The following ABLIM2 variants were observed in gnomAD, a reference collection of about 807,000 sequenced individuals.
ABLIM2 encodes actin-binding LIM protein 2.
A neutral mutation model predicts 97.7 loss-of-function variants in ABLIM2; 53 were observed. The ratio of observed to expected loss-of-function variants is 0.54; its 90% CI spans 0.44 to 0.68. The LOEUF is 0.68. Ranked by LOEUF, ABLIM2 falls within the 30% of genes least tolerant of loss-of-function variation. ABLIM2 has a pLI of 0.00. For synonymous variants in ABLIM2, 361 were observed against 345.8 expected, an observed-to-expected ratio of 1.04 and a Z score of -0.49; for missense variants, 835 against 867.2, an observed-to-expected ratio of 0.96 and a Z score of 0.47.
At chr4:8,010,429 C>A (rs1418897917) in intron 14 of ABLIM2, 2 of 985,806 alleles carry the variant, frequency 2.0e-6, no homozygotes, top group Admixed American at 1.2e-4. Context: ...GGGCTTCTTA[C>A]CTGCAGCGGG....
At chr4:8,091,283 ATATATAATATTATATAT>A (rs1230383813) in intron 3 of ABLIM2, among the ~76,000 whole-genome samples, 1 of 70,930 alleles carries the variant, frequency 1.4e-5, no homozygotes, top group African/African-American at 6.1e-5. Flanking sequence ...ATATATAATT[ATATATAATATTATATAT>A]TATATTATAT....
At chr4:7,971,991 G>T (rs985383735) in intron 20 of ABLIM2, among the ~76,000 whole-genome samples, 1 of 152,160 alleles carries the variant, frequency 6.6e-6, no homozygotes, top group Non-Finnish European at 1.5e-5. Flanking sequence ...CACTGCCTTG[G>T]CCTGCACAAG....
Position 7,992,932 on chromosome 4 carries a change from A to AACAGAC in ABLIM2, c.1619-11_1619-6dup. Reference sequence around the variant, plus strand: ...CAGATTTGGAATAGGGGAATCCTGAAACAGACACAGCACAGCTTTGTCACG... The same window carrying AACAGAC: ...CAGATTTGGAATAGGGGAATCCTGAAACAGACACAGACACAGCACAGCTTTGTCACG... On this transcript the variant is annotated splice_polypyrimidine_tract_variant and splice_region_variant and intron_variant, in intron 16 of 20. Coordinates refer to ENST00000447017, the MANE Select transcript of ABLIM2 (RefSeq NM_001130083.2). This position sits in a 1 kb window ranked among gnomAD's most constrained non-coding sequence, Gnocchi z 5.7. 6.2e-7 allele frequency: 1 copy of AACAGAC among 1,612,736 alleles called. No individual in the cohort carries two copies. Among genetic ancestry groups the AACAGAC allele is most frequent in the Non-Finnish European group, 8.5e-7 (1 of 1,179,656 alleles).
At position 8,059,040 on chromosome 4, in the gene ABLIM2, G is replaced by T. The variant is rs905389263; in HGVS notation, c.763+1927C>A. Among the ~76,000 whole-genome samples the T allele has an allele frequency of 2.6e-5, 4 of 152,162 alleles. No homozygotes were observed. In the East Asian group the frequency reaches 7.8e-4, roughly 30 times the overall value. On this transcript the variant is annotated intron_variant, in intron 7 of 20. Coordinates refer to ENST00000447017, the MANE Select transcript of ABLIM2 (RefSeq NM_001130083.2). ...AATCTCACCCCCTCTCTCATCCATT[G>T]CGATGGTCCTGACTCCTGTTGGGAA...
chr4:8,131,911 A>T (rs140019836), intron 1 of ABLIM2, among the ~76,000 whole-genome samples: 175 of 127,384 alleles, frequency 1.4e-3, no homozygotes, highest in African/African-American at 6.0e-3. Context: ...CCGCATCTCC[A>T]GCACAGCAGC....
intron 1 of ABLIM2, among the ~76,000 whole-genome samples, chr4:8,142,786 T>C (rs1462035316): frequency 1.3e-5 from 2 of 152,206 alleles, no homozygotes; most frequent in East Asian, 3.9e-4. Flanking sequence ...GCAGCACCAA[T>C]TGTCCCCTCT....
rs899959362 is a variant in ABLIM2 at position 8,125,530 on chromosome 4, C to T, written c.11-18893G>A. Among the ~76,000 whole-genome samples, 5 of 152,004 alleles carry T rather than the reference C, an allele frequency of 3.3e-5. No homozygotes were observed. The highest frequency in any genetic ancestry group is 1.9e-4 in the East Asian group (1 of 5,182). On this transcript the variant is annotated intron_variant, in intron 1 of 20. Coordinates refer to ENST00000447017, the MANE Select transcript of ABLIM2 (RefSeq NM_001130083.2). This position sits in a 1 kb window ranked among gnomAD's most constrained non-coding sequence, Gnocchi z 6.2. ...GGGATGGCTCTGCCATCAGCGTTGACGGTCTGGTCCATCTACCACAGTCGA... is the reference window on the plus strand; with the variant it reads ...GGGATGGCTCTGCCATCAGCGTTGATGGTCTGGTCCATCTACCACAGTCGA...
At position 8,123,185 on chromosome 4, in the gene ABLIM2, T is replaced by C. The variant is rs1846245503; in HGVS notation, c.11-16548A>G. ...TTGCGGTCCTCAGAGCATTCTTCCCTGGCAGCTGGTGCCCCTTACTTGGGG... is the reference window on the plus strand; with the variant it reads ...TTGCGGTCCTCAGAGCATTCTTCCCCGGCAGCTGGTGCCCCTTACTTGGGG... On this transcript the variant is annotated intron_variant, in intron 1 of 20. Transcript: ENST00000447017. This position sits in a 1 kb window ranked among gnomAD's most constrained non-coding sequence, Gnocchi z 6.2. Among the ~76,000 whole-genome samples the C allele has an allele frequency of 6.6e-6, 1 of 152,206 alleles. No homozygotes were observed. The highest frequency in any genetic ancestry group is 1.5e-5 in the Non-Finnish European group (1 of 68,020).
chr4:7,988,286 G>A (rs983784136), intron 17 of ABLIM2, among the ~76,000 whole-genome samples: 4 of 152,188 alleles, frequency 2.6e-5, no homozygotes, highest in Admixed American at 2.0e-4. Flanking sequence ...GCCTCCCAAA[G>A]TGCTGGGATT....
At chr4:8,157,880 G>A (rs372064055) in intron 1 of ABLIM2, among the ~76,000 whole-genome samples, 97 of 152,372 alleles carry the variant, frequency 6.4e-4, no homozygotes, top group African/African-American at 2.3e-3. Flanking sequence ...GGAATGCAAC[G>A]ACAAGCCCTC....
intron 10 of ABLIM2, among the ~76,000 whole-genome samples, chr4:8,034,047 G>A (rs1306111422): frequency 1.3e-5 from 2 of 152,222 alleles, no homozygotes; most frequent in Non-Finnish European, 2.9e-5. Context: ...TGAATCGCAC[G>A]TCCCAGAGAG....
At chr4:8,091,080 G>A (rs1827070131) in intron 3 of ABLIM2, among the ~76,000 whole-genome samples, 2 of 150,448 alleles carry the variant, frequency 1.3e-5, no homozygotes. Flanking sequence ...GTGCCATTCT[G>A]CATTCACAAC....
chr4:7,985,286 G>T (rs1742890216), intron 17 of ABLIM2, among the ~76,000 whole-genome samples: 1 of 152,180 alleles, frequency 6.6e-6, no homozygotes, highest in Non-Finnish European at 1.5e-5. Context: ...GCTAGGCACA[G>T]CGCTCTGCGG....
Position 8,147,370 on chromosome 4 carries a change from C to A in ABLIM2, c.10+11310G>T, listed in dbSNP as rs1440726983. ...GATGCACCAAGAGACTACCTGTGCC[C>A]GGCTGAGTAATGCCTCCCCCAGAAG... On this transcript the variant is annotated intron_variant, in intron 1 of 20. Coordinates refer to ENST00000447017, the MANE Select transcript of ABLIM2 (RefSeq NM_001130083.2). The surrounding 1 kb of genome is among the most constrained non-coding windows in gnomAD (Gnocchi z 5.3). 6.6e-6 allele frequency among the ~76,000 whole-genome samples: 1 copy of A among 152,114 alleles called. No homozygotes were observed. The highest frequency in any genetic ancestry group is 2.1e-4 in the South Asian group (1 of 4,816).
rs1303700172 is a variant in ABLIM2, at chr4:8,091,352, AT to A, written c.339-3069del. Among the ~76,000 whole-genome samples the A allele has an allele frequency of 6.6e-3, 124 of 18,676 alleles. 17 individuals carry two copies. Among genetic ancestry groups the A allele is most frequent in the African/African-American group, 9.6e-3 (48 of 5,012 alleles). 12.3% of individuals were successfully genotyped at this position (18,676 alleles called of 152,430 possible). On this transcript the variant is annotated intron_variant, in intron 3 of 20. Transcript: ENST00000447017. Reference sequence around the variant, plus strand: ...ATATTATATATATAATATATATATAATTATATATATATTATATTACATATAA... The same window carrying A: ...ATATTATATATATAATATATATATAATATATATATATTATATTACATATAA...
intron 2 of ABLIM2, among the ~76,000 whole-genome samples, chr4:8,103,330 C>T (rs771839894): frequency 1.1e-4 from 16 of 152,252 alleles, no homozygotes; most frequent in Non-Finnish European, 2.2e-4. Flanking sequence ...GCAAGGTCCT[C>T]ATGCTTAAAC....
chr4:8,076,936 G>C (rs7434808), intron 6 of ABLIM2, among the ~76,000 whole-genome samples: 2 of 122,652 alleles, frequency 1.6e-5, no homozygotes, highest in African/African-American at 6.5e-5. Flanking sequence ...GGGTGGGGGG[G>C]TCTGTGAACC....
In ABLIM2 at chr4:8,109,491, G is replaced by T. The variant is rs115323999; in HGVS notation, c.11-2854C>A. 3.3e-5 allele frequency among the ~76,000 whole-genome samples: 5 copies of T among 152,210 alleles called. No individual in the cohort carries two copies. In the East Asian group the frequency reaches 9.6e-4, roughly 29 times the overall value. On this transcript the variant is annotated intron_variant, in intron 1 of 20. Coordinates refer to ENST00000447017, the MANE Select transcript of ABLIM2 (RefSeq NM_001130083.2). ...TCGAGTGACTGCATCTCAGACAGAG[G>T]AGGCCATTTCCCCATCCAGTTCCAA...
chr4:8,151,967 C>T (rs964857211), intron 1 of ABLIM2, among the ~76,000 whole-genome samples: 1 of 152,076 alleles, frequency 6.6e-6, no homozygotes, highest in African/African-American at 2.4e-5. Flanking sequence ...TCACAGAGGC[C>T]ATGCAATGAC....
Sources: gnomAD v4.1 joint callset for allele counts (sites outside exome capture counted in the v4.1 genomes callset) on GRCh38, gnomAD v4.1.1 for gene constraint, Gnocchi (gnomAD v3.1) non-coding constraint, MANE v1.5 for transcripts, NCBI Gene and HGNC (gene_info 2026-07-23, HGNC 2026-07-21) for gene names.